The following TMEM114 variants were observed in gnomAD, a reference collection of about 807,000 sequenced individuals.
The protein encoded by TMEM114 is claudin-26.
A neutral mutation model predicts 6.2 loss-of-function variants in TMEM114; 6 were observed. The ratio of observed to expected loss-of-function variants is 0.97; its 90% CI spans 0.53 to 1.91. The LOEUF (loss-of-function observed/expected upper bound fraction) is 1.91. TMEM114 is among the 40% of genes most tolerant of loss of function. The pLI, the probability that TMEM114 is intolerant of heterozygous loss-of-function variation, is 0.01. For synonymous variants in TMEM114, 104 were observed against 73.0 expected, an observed-to-expected ratio of 1.42 and a Z score of -2.16; for missense variants, 218 against 158.3, an observed-to-expected ratio of 1.38 and a Z score of -2.02.
intron 2 of TMEM114, among the ~76,000 whole-genome samples, chr16:8,558,582 G>C (rs1901091775): frequency 6.6e-6 from 1 of 152,148 alleles, no homozygotes; most frequent in Admixed American, 6.5e-5. Context: ...AGGTAGTGAA[G>C]TTACAATTTC....
intron 2 of TMEM114, among the ~76,000 whole-genome samples, chr16:8,550,827 T>A (rs1191284583): frequency 6.6e-6 from 1 of 152,006 alleles, no homozygotes; most frequent in African/African-American, 2.4e-5. Flanking sequence ...GAGAGATTCA[T>A]CCCCTTCTTC....
chr16:8,537,231 T>C (rs994870516), downstream of TMEM114, among the ~76,000 whole-genome samples: 2 of 152,114 alleles, frequency 1.3e-5, no homozygotes, highest in African/African-American at 4.8e-5. Flanking sequence ...CCAGGCATGG[T>C]GGCTCACACC....
chr16:8,548,361 G>A (rs1417449643), intron 2 of TMEM114, among the ~76,000 whole-genome samples: 1 of 152,170 alleles, frequency 6.6e-6, no homozygotes, highest in East Asian at 1.9e-4. Flanking sequence ...TGAGTGCCGG[G>A]TGGCACCTCT....
intron 3 of TMEM114, among the ~76,000 whole-genome samples, chr16:8,571,698 GT>G (rs1333138938): frequency 1.3e-5 from 2 of 150,670 alleles, no homozygotes; most frequent in Non-Finnish European, 2.9e-5. Flanking sequence ...GGTCATGCCC[GT>G]TTTTTAGTCG....
At chr16:8,563,643 G>GAGTA (rs1345222900) in intron 2 of TMEM114, among the ~76,000 whole-genome samples, 1 of 151,116 alleles carries the variant, frequency 6.6e-6, no homozygotes, top group Non-Finnish European at 1.5e-5. Context: ...ATGAGTAAAT[G>GAGTA]AGTGAGTGAA....
chr16:8,563,493 G>C (rs1901367763), intron 2 of TMEM114, among the ~76,000 whole-genome samples: 1 of 151,188 alleles, frequency 6.6e-6, no homozygotes, highest in African/African-American at 2.5e-5. Context: ...AAGTGAATGA[G>C]TGACTGAGGG....
At chr16:8,563,562 TGAGG>T (rs1461767231) in intron 2 of TMEM114, among the ~76,000 whole-genome samples, 3 of 150,202 alleles carry the variant, frequency 2.0e-5, no homozygotes, top group Non-Finnish European at 2.9e-5. Context: ...AATGAGTGAC[TGAGG>T]GAGGGAGGAA....
intron 2 of TMEM114, among the ~76,000 whole-genome samples, chr16:8,544,419 G>A (rs191589233): frequency 4.1e-4 from 63 of 152,354 alleles, no homozygotes; most frequent in Non-Finnish European, 8.1e-4. Context: ...GGGAAGTAAA[G>A]GGGGTGATAT....
At chr16:8,549,907 G>A (rs1399294007) in intron 2 of TMEM114, among the ~76,000 whole-genome samples, 1 of 152,190 alleles carries the variant, frequency 6.6e-6, no homozygotes, top group Non-Finnish European at 1.5e-5. Flanking sequence ...CCATCTGCAA[G>A]CTGAGGGGTA....
intron 2 of TMEM114, among the ~76,000 whole-genome samples, chr16:8,556,795 G>A (rs540454095): frequency 1.2e-4 from 18 of 152,278 alleles, no homozygotes; most frequent in African/African-American, 3.4e-4. Flanking sequence ...GAGCCACCGC[G>A]CCTGACCCGT....
the TMEM114 span, among the ~76,000 whole-genome samples, chr16:8,527,330 GA>G: frequency 6.6e-6 from 1 of 152,190 alleles, no homozygotes; most frequent in African/African-American, 2.4e-5. Flanking sequence ...GGGGAAAGTG[GA>G]AAAACCCCAG....
At chr16:8,527,812 T>G in the TMEM114 span, among the ~76,000 whole-genome samples, 2 of 152,202 alleles carry the variant, frequency 1.3e-5, no homozygotes, top group African/African-American at 4.8e-5. Flanking sequence ...CAATACAGGA[T>G]GTGGAGTTTG....
rs1326569390 is a variant in TMEM114 at position 8,590,458 on chromosome 16, C to T, written c.-620G>A. Among the ~76,000 whole-genome samples, 1 of 152,216 alleles carries T rather than the reference C, an allele frequency of 6.6e-6. No individual in the cohort carries two copies. The highest frequency in any genetic ancestry group is 1.5e-5 in the Non-Finnish European group (1 of 68,046). On this transcript the variant is annotated 5_prime_UTR_variant, in exon 1 of 4. Transcript: ENST00000620492. ...GTCTTCCCGCAGCTCCTGCTCTGGC[C>T]GGGGCGCAGCTGACCCTCTGAGCCC...
At chr16:8,557,841 AT>A (rs1901064172) in intron 2 of TMEM114, among the ~76,000 whole-genome samples, 1 of 152,244 alleles carries the variant, frequency 6.6e-6, no homozygotes, top group Admixed American at 6.5e-5. Context: ...GATCTTTAAA[AT>A]AATCTTGTGA....
downstream of TMEM114, among the ~76,000 whole-genome samples, chr16:8,533,603 T>C (rs1900276979): frequency 6.6e-6 from 1 of 152,240 alleles, no homozygotes; most frequent in Non-Finnish European, 1.5e-5. Flanking sequence ...GTGGATGCTT[T>C]ATGGAAAATT....
chr16:8,562,326 G>A (rs568837124), intron 2 of TMEM114, among the ~76,000 whole-genome samples: 12 of 148,618 alleles, frequency 8.1e-5, no homozygotes, highest in Non-Finnish European at 1.6e-4. Context: ...GTGAGGGAGG[G>A]AGGGAATGAG....
chr16:8,535,720 T>C (rs984401582), downstream of TMEM114, among the ~76,000 whole-genome samples: 1 of 152,204 alleles, frequency 6.6e-6, no homozygotes, highest in Non-Finnish European at 1.5e-5. Flanking sequence ...TTTTGGTTCC[T>C]GCATAATTCT....
chr16:8,546,675 C>G (rs745767817), intron 2 of TMEM114, among the ~76,000 whole-genome samples: 1 of 152,184 alleles, frequency 6.6e-6, no homozygotes, highest in African/African-American at 2.4e-5. Context: ...GGGATAAACC[C>G]AAGAAAGCTA....
intron 2 of TMEM114, among the ~76,000 whole-genome samples, chr16:8,548,355 T>C (rs144994083): frequency 4.1e-4 from 63 of 152,336 alleles, no homozygotes; most frequent in Admixed American, 2.3e-3. Context: ...GTTTCTTGAG[T>C]GCCGGGTGGC....
Sources: gnomAD v4.1 joint callset for allele counts (sites outside exome capture counted in the v4.1 genomes callset) on GRCh38, gnomAD v4.1.1 for gene constraint, MANE v1.5 for transcripts, NCBI Gene and HGNC (gene_info 2026-07-23, HGNC 2026-07-21) for gene names.